The following USH2A variants were observed in gnomAD, a reference collection of about 807,000 sequenced individuals.
USH2A encodes usherin.
A neutral mutation model predicts 538.9 loss-of-function variants in USH2A; 443 were observed. The ratio of observed to expected loss-of-function variants is 0.82; its 90% CI spans 0.76 to 0.89. The LOEUF (loss-of-function observed/expected upper bound fraction) is 0.89. USH2A is among the 40% of genes least tolerant of loss of function. The pLI is 0.00. For missense variants in USH2A, 6,633 were observed against 6,324.8 expected, an observed-to-expected ratio of 1.05 and a Z score of -1.65; for synonymous variants, 2,413 against 2,273.5, an observed-to-expected ratio of 1.06 and a Z score of -1.75.
chr1:215,766,638 T>G (rs781378593), intron 56 of USH2A, 43 bp downstream of exon 56: 1 of 1,546,052 alleles, frequency 6.5e-7, no homozygotes, highest in Non-Finnish European at 8.9e-7. Context: ...CAAAATGCTA[T>G]GTGAAAATTT....
At chr1:215,957,998 A>C (rs1667111076) in intron 37 of USH2A, among the ~76,000 whole-genome samples, 1 of 152,116 alleles carries the variant, frequency 6.6e-6, no homozygotes, top group Admixed American at 6.6e-5. Flanking sequence ...ACACTAAAAA[A>C]CAGATACCAG....
chr1:215,927,885 G>A (rs1289089562), intron 38 of USH2A, among the ~76,000 whole-genome samples: 1 of 152,004 alleles, frequency 6.6e-6, no homozygotes, highest in Non-Finnish European at 1.5e-5. Context: ...TTTTTACACT[G>A]TTATGGTAAT....
At chr1:216,072,598 T>C (rs752131517) in intron 29 of USH2A, 2 of 438,722 alleles carry the variant, frequency 4.6e-6, no homozygotes, top group South Asian at 4.2e-5. Flanking sequence ...TTAGACATGT[T>C]AGGTAGGTGG....
chr1:215,874,304 CT>C (rs1396350786), intron 43 of USH2A, among the ~76,000 whole-genome samples: 1 of 152,062 alleles, frequency 6.6e-6, no homozygotes, highest in African/African-American at 2.4e-5. Flanking sequence ...CAGTATAAAC[CT>C]GTAGTTATAC....
chr1:216,153,622 T>C (rs2033883079), intron 21 of USH2A, among the ~76,000 whole-genome samples: 1 of 152,204 alleles, frequency 6.6e-6, no homozygotes, highest in African/African-American at 2.4e-5. Context: ...TGTGAAAAAC[T>C]TTCATTTCAT....
intron 65 of USH2A, among the ~76,000 whole-genome samples, chr1:215,649,982 T>C (rs1299200395): frequency 6.6e-6 from 1 of 152,190 alleles, no homozygotes; most frequent in East Asian, 1.9e-4. Flanking sequence ...ATGTGAAAGA[T>C]GATTTCCCTG....
chr1:216,417,985 C>T (rs868847471), intron 3 of USH2A, among the ~76,000 whole-genome samples: 29 of 152,182 alleles, frequency 1.9e-4, no homozygotes, highest in Middle Eastern at 3.4e-3. Flanking sequence ...GCTTCTAAGG[C>T]TCATACAAAC....
chr1:216,126,652 A>G (rs903032951), intron 21 of USH2A, among the ~76,000 whole-genome samples: 1 of 152,182 alleles, frequency 6.6e-6, no homozygotes, highest in African/African-American at 2.4e-5. Context: ...TAACTGAAAT[A>G]GAATAAGGCC....
intron 13 of USH2A, among the ~76,000 whole-genome samples, chr1:216,236,690 G>A (rs2035824979): frequency 6.6e-6 from 1 of 152,128 alleles, no homozygotes; most frequent in African/African-American, 2.4e-5. Flanking sequence ...CTATCAGGGA[G>A]TCTAGAGAGG....
chr1:215,801,226 C>A (rs1271401891), intron 49 of USH2A, among the ~76,000 whole-genome samples: 2 of 151,808 alleles, frequency 1.3e-5, no homozygotes, highest in Non-Finnish European at 2.9e-5. Flanking sequence ...AAATCAGAAA[C>A]AAGAAAAGGT....
Position 215,623,487 on chromosome 1 carries a change from A to C in USH2A, c.*2294T>G, listed in dbSNP as rs1158911692. The C allele has an allele frequency of 6.6e-6, 1 of 151,284 alleles. No individual in the cohort carries two copies. The highest frequency in any genetic ancestry group is 1.5e-5 in the Non-Finnish European group (1 of 67,574). The allele number at this position is 151,284 out of a possible 1,614,324, so 9.4% of individuals were successfully genotyped here. A position where few individuals can be genotyped will look rare whatever the true frequency, so the allele number is the denominator to read the frequency against. ...AACCGAATCAGAATCTCTAGAGGCG[A>C]GTCTGCATGGTTTGTATAATAGAGG... On this transcript the variant is annotated 3_prime_UTR_variant, in exon 72 of 72. Transcript: ENST00000307340.
intron 47 of USH2A, among the ~76,000 whole-genome samples, chr1:215,836,308 C>A (rs1663479049): frequency 6.7e-6 from 1 of 149,204 alleles, no homozygotes; most frequent in Non-Finnish European, 1.5e-5. Flanking sequence ...TATGTTCTTG[C>A]ACATCTAAAC....
At chr1:216,381,571 G>T (rs2038923525) in intron 3 of USH2A, among the ~76,000 whole-genome samples, 1 of 152,130 alleles carries the variant, frequency 6.6e-6, no homozygotes, top group African/African-American at 2.4e-5. Flanking sequence ...CAAAGCAAAA[G>T]TAACCAACCC....
chr1:215,914,507 C>T (rs1332504134), intron 38 of USH2A, among the ~76,000 whole-genome samples: 1 of 152,026 alleles, frequency 6.6e-6, no homozygotes, highest in Admixed American at 6.6e-5. Flanking sequence ...AAAGTAACAG[C>T]CAACTTTAAC....
At chr1:215,952,319 C>T (rs1257265244) in intron 37 of USH2A, among the ~76,000 whole-genome samples, 1 of 152,198 alleles carries the variant, frequency 6.6e-6, no homozygotes, top group Non-Finnish European at 1.5e-5. Context: ...ACTGATGGGT[C>T]TGAATCTTTA....
At chr1:215,809,371 TA>T in intron 49 of USH2A, among the ~76,000 whole-genome samples, 1 of 152,022 alleles carries the variant, frequency 6.6e-6, no homozygotes, top group Non-Finnish European at 1.5e-5. Flanking sequence ...TTGAGCATAA[TA>T]AATGTTAATT....
At chr1:215,910,701 A>C (rs1245729273) in intron 38 of USH2A, among the ~76,000 whole-genome samples, 1 of 151,908 alleles carries the variant, frequency 6.6e-6, no homozygotes, top group Non-Finnish European at 1.5e-5. Context: ...TAGTAACATC[A>C]ATCAAAGTAT....
intron 30 of USH2A, among the ~76,000 whole-genome samples, chr1:216,049,924 C>T (rs752802084): frequency 2.0e-5 from 3 of 152,138 alleles, no homozygotes; most frequent in Non-Finnish European, 4.4e-5. Flanking sequence ...CATCTTAGCT[C>T]ATGGCCAAAG....
intron 38 of USH2A, among the ~76,000 whole-genome samples, chr1:215,904,540 C>A (rs940842982): frequency 6.6e-6 from 1 of 152,038 alleles, no homozygotes; most frequent in African/African-American, 2.4e-5. Flanking sequence ...TTAGAGGCTC[C>A]TTAGCACCAA....
Sources: allele counts gnomAD v4.1 joint callset (sites outside exome capture counted in the v4.1 genomes callset), GRCh38; gene constraint gnomAD v4.1.1; transcripts MANE v1.5; gene names NCBI Gene and HGNC (gene_info 2026-07-23, HGNC 2026-07-21).